SLCO2B1: variants seen among roughly 807,000 people sequenced by gnomAD.
The protein encoded by SLCO2B1 is solute carrier organic anion transporter family member 2B1, also known as OATP-RP2.
In SLCO2B1, 41 loss-of-function variants were observed where a neutral mutation model predicts 67.3. The ratio of observed to expected loss-of-function variants is 0.61; its 90% CI spans 0.47 to 0.79. SLCO2B1 has a LOEUF of 0.79. Among genes scored for constraint, SLCO2B1 ranks in the 30% least tolerant of loss-of-function variants. SLCO2B1 has a pLI of 0.00. For missense variants in SLCO2B1, 837 were observed against 920.1 expected (o/e 0.91, Z 1.17); for synonymous variants, 379 against 381.4 (o/e 0.99, Z 0.07).
At chr11:75,184,999 C>T (rs1950132403) in intron 7 of SLCO2B1, among the ~76,000 whole-genome samples, 1 of 152,086 alleles carries the variant, frequency 6.6e-6, no homozygotes, top group Admixed American at 6.6e-5. Context: ...AACCTAGAGC[C>T]TGCTCCCTGC....
At chr11:75,200,162 C>G in intron 10 of SLCO2B1, 62 bp from the exon 11 acceptor site, 1 of 1,533,566 alleles carries the variant, frequency 6.5e-7, no homozygotes, top group Non-Finnish European at 8.9e-7. Flanking sequence ...CCGCTGCAAG[C>G]CCTTGGCCAG....
intron 1 of SLCO2B1, among the ~76,000 whole-genome samples, chr11:75,156,643 G>T (rs1001077192): frequency 6.6e-6 from 1 of 152,208 alleles, no homozygotes; most frequent in Non-Finnish European, 1.5e-5. Flanking sequence ...GTGCAAGAAA[G>T]AATTCAGTGT....
intron 7 of SLCO2B1, among the ~76,000 whole-genome samples, chr11:75,178,077 G>A (rs1950046676): frequency 7.0e-6 from 1 of 143,794 alleles, no homozygotes; most frequent in Admixed American, 7.3e-5. Flanking sequence ...CTAGACAACA[G>A]AGCAAGATTC....
At chr11:75,171,360 A>G (rs1192989674) in intron 6 of SLCO2B1, among the ~76,000 whole-genome samples, 1 of 152,112 alleles carries the variant, frequency 6.6e-6, no homozygotes, top group Non-Finnish European at 1.5e-5. Flanking sequence ...GGGCTCAAGC[A>G]ATCTTCCCAC....
intron 7 of SLCO2B1, among the ~76,000 whole-genome samples, chr11:75,182,804 G>GTTGT (rs1950106131): frequency 6.6e-6 from 1 of 152,110 alleles, no homozygotes; most frequent in Admixed American, 6.6e-5. Flanking sequence ...CGACATTGTG[G>GTTGT]TTGTTTCTAC....
chr11:75,193,643 G>A lies in SLCO2B1; in HGVS notation c.1433+68G>A. 1 of 1,404,302 alleles carries A rather than the reference G, an allele frequency of 7.1e-7. No homozygotes were observed. Among genetic ancestry groups the A allele is most frequent in the Non-Finnish European group, 9.6e-7 (1 of 1,046,798 alleles). The allele number at this position is 1,404,302 out of a possible 1,614,324, so 87.0% of individuals were successfully genotyped here. On this transcript the variant is annotated intron_variant, in intron 9 of 13. Transcript: ENST00000289575. This position sits in a 1 kb window ranked among gnomAD's most constrained non-coding sequence, Gnocchi z 4.2. ...AGGACAGGGAGGACAGGGGCCCTGG[G>A]CAGAGGCCAGGATGGCAGGGCAACC... is the stretch of plus-strand genomic sequence containing the variant.
At position 75,165,410 on chromosome 11, in the gene SLCO2B1, C is replaced by T. The variant is rs562479609; in HGVS notation, c.286-377C>T. Among the ~76,000 whole-genome samples the T allele has an allele frequency of 1.3e-4, 19 of 144,830 alleles. No individual in the cohort carries two copies. The South Asian group carries it at 2.9e-3, about 22-fold the overall frequency. On this transcript the variant is annotated intron_variant, in intron 3 of 13. Coordinates refer to ENST00000289575, the MANE Select transcript of SLCO2B1 (RefSeq NM_007256.5). ...TCACACCATTGCACTCCAGCCAGGG[C>T]GATGAGAGAAATTCCGTCTCAAAAA...
rs1945163433 is a variant in SLCO2B1 at position 75,200,297 on chromosome 11, G to C, written c.1673G>C (p.Ser558Thr). ...GCAGGATCCTGCGACTCAACGTGCA[G>C]CCATCTGGTGGTGCCCTTCCTGCTC... ...VLAGSCDSTC[S>T]HLVVPFLLLV... The change falls in exon 11 of 14, where the codon AGC becomes ACC. Residue 558 changes from serine (S) to threonine (T), a missense_variant. By Grantham distance (58) the Ser-to-Thr change is moderately conservative (BLOSUM62 1). Coordinates refer to ENST00000289575, the MANE Select transcript of SLCO2B1 (RefSeq NM_007256.5). 1 of 1,613,754 alleles carries C rather than the reference G, an allele frequency of 6.2e-7. No homozygotes were observed. Among genetic ancestry groups the C allele is most frequent in the Admixed American group, 1.7e-5 (1 of 59,996 alleles).
At chr11:75,169,871 A>C (rs1949938824) in intron 6 of SLCO2B1, 107 bp downstream of exon 6, 1 of 849,152 alleles carries the variant, frequency 1.2e-6, no homozygotes. Flanking sequence ...AGCACCACTG[A>C]CCTTGGGCAA....
intron 11 of SLCO2B1, chr11:75,201,936 T>C (rs1178564208): frequency 6.6e-6 from 1 of 152,152 alleles, no homozygotes; most frequent in Non-Finnish European, 1.5e-5. Context: ...AACCCTCTAA[T>C]CCTGCCTTGG....
At chr11:75,180,205 C>T (rs1591823787) in intron 7 of SLCO2B1, among the ~76,000 whole-genome samples, 3 of 151,344 alleles carry the variant, frequency 2.0e-5, no homozygotes, top group South Asian at 2.1e-4. Flanking sequence ...TTAGTAGAGA[C>T]GGGGTTTCGC....
chr11:75,204,350 T>A, intron 13 of SLCO2B1, 50 bp from the exon 14 acceptor site: 1 of 1,530,546 alleles, frequency 6.5e-7, no homozygotes, highest in Non-Finnish European at 8.8e-7. Flanking sequence ...CTGACGTCCA[T>A]GCCCTGGCCT....
At chr11:75,190,819 T>C (rs919870312) in intron 8 of SLCO2B1, among the ~76,000 whole-genome samples, 3 of 151,628 alleles carry the variant, frequency 2.0e-5, no homozygotes, top group Non-Finnish European at 2.9e-5. Flanking sequence ...GAAGACAGAG[T>C]CACTGACTTG....
chr11:75,188,736 C>T (rs1217630960), intron 8 of SLCO2B1, among the ~76,000 whole-genome samples: 4 of 152,080 alleles, frequency 2.6e-5, no homozygotes, highest in Admixed American at 6.6e-5. Context: ...AACAAAAAAC[C>T]TTCCCTATCC....
intron 1 of SLCO2B1, among the ~76,000 whole-genome samples, chr11:75,152,748 C>T (rs1224099191): frequency 6.6e-6 from 1 of 152,122 alleles, no homozygotes; most frequent in Non-Finnish European, 1.5e-5. Context: ...TGACCTTCCA[C>T]ACAGACAGCA....
intron 6 of SLCO2B1, among the ~76,000 whole-genome samples, chr11:75,170,263 G>GTC (rs1316787956): frequency 6.6e-6 from 1 of 152,198 alleles, no homozygotes; most frequent in Non-Finnish European, 1.5e-5. Flanking sequence ...TCTCAGATGG[G>GTC]ACATTTACTG....
intron 1 of SLCO2B1, among the ~76,000 whole-genome samples, chr11:75,159,365 G>T (rs1447524577): frequency 6.6e-6 from 1 of 152,172 alleles, no homozygotes; most frequent in Non-Finnish European, 1.5e-5. Flanking sequence ...TTAAACTAGG[G>T]CCTGGCTCTC....
At chr11:75,194,141 C>T (rs867005672) in intron 9 of SLCO2B1, among the ~76,000 whole-genome samples, 4 of 152,158 alleles carry the variant, frequency 2.6e-5, no homozygotes, top group South Asian at 2.1e-4. Flanking sequence ...TGATATTCCA[C>T]GACTCTAAAA....
At position 75,193,462 on chromosome 11, in the gene SLCO2B1, G is replaced by A; in HGVS notation, c.1320G>A (p.Val440=). Residue 440 remains valine, a synonymous_variant, in exon 9 of 14, where the codon GTG becomes GTA. Coordinates refer to ENST00000289575, the MANE Select transcript of SLCO2B1 (RefSeq NM_007256.5). The surrounding 1 kb of genome is among the most constrained non-coding windows in gnomAD (Gnocchi z 4.2). Reference sequence around the variant, plus strand: ...TCAAGCGGCTCCACCTGGGCCCTGTGGGATGCGGTGCCCTTTGCCTGCTGG... The same window carrying A: ...TCAAGCGGCTCCACCTGGGCCCTGTAGGATGCGGTGCCCTTTGCCTGCTGG... ...VLVKRLHLGP[V]GCGALCLLGM... is the part of the protein sequence containing the mutation. The A allele has an allele frequency of 6.2e-7, 1 of 1,612,538 alleles. No individual in the cohort carries two copies. Among genetic ancestry groups the A allele is most frequent in the Non-Finnish European group, 8.5e-7 (1 of 1,178,794 alleles).
Sources: allele counts gnomAD v4.1 joint callset (sites outside exome capture counted in the v4.1 genomes callset), GRCh38; gene constraint gnomAD v4.1.1; non-coding constraint Gnocchi (gnomAD v3.1); transcripts MANE v1.5; gene names NCBI Gene and HGNC (gene_info 2026-07-23, HGNC 2026-07-21).